The following LHX2 variants were observed in gnomAD, a reference collection of about 807,000 sequenced individuals.
LHX2 encodes the protein LIM homeobox 2, also known as LIM/homeobox protein Lhx2.
Under a neutral mutation model 33.0 loss-of-function variants are expected in LHX2, and 6 were observed. That is an observed-to-expected ratio of 0.18 (90% confidence interval 0.10 to 0.36). The LOEUF is 0.36. Ranked by LOEUF, LHX2 falls within the 10% of genes least tolerant of loss-of-function variation. The pLI, the probability that LHX2 is intolerant of heterozygous loss-of-function variation, is 1.00. For missense variants in LHX2, 442 were observed against 586.2 expected (o/e 0.75, Z 2.54); for synonymous variants, 292 against 253.1 (o/e 1.15, Z -1.46).
intron 4 of LHX2, among the ~76,000 whole-genome samples, chr9:124,027,742 C>T (rs1407396781): frequency 1.3e-5 from 2 of 151,934 alleles, no homozygotes; most frequent in East Asian, 1.9e-4. Context: ...TGCTTGAACC[C>T]GGGAGGCAGA....
intron 4 of LHX2, 142 bp downstream of exon 4, chr9:124,021,446 C>A: frequency 2.9e-6 from 2 of 697,052 alleles, no homozygotes; most frequent in Non-Finnish European, 4.8e-6. Context: ...TCTCTTTCTT[C>A]ACCTCTCCAG....
intron 4 of LHX2, among the ~76,000 whole-genome samples, chr9:124,028,903 T>A (rs939120366): frequency 1.1e-4 from 17 of 151,448 alleles, no homozygotes; most frequent in African/African-American, 3.4e-4. Context: ...AGGTCAGGAG[T>A]TCAAGACCAG....
intron 3 of LHX2, among the ~76,000 whole-genome samples, chr9:124,020,897 G>A (rs1325673389): frequency 6.6e-6 from 1 of 152,158 alleles, no homozygotes; most frequent in Non-Finnish European, 1.5e-5. Flanking sequence ...GCAGTTCTTA[G>A]CAGTGTGATC....
intron 4 of LHX2, among the ~76,000 whole-genome samples, chr9:124,025,440 CAAAAAAA>C (rs71999375): frequency 9.6e-6 from 1 of 104,338 alleles, no homozygotes; most frequent in East Asian, 2.7e-4. Flanking sequence ...GACTCTGTCT[CAAAAAAA>C]AAAAAAAAAA....
chr9:124,023,412 G>A (rs1828552884), intron 4 of LHX2, among the ~76,000 whole-genome samples: 1 of 152,240 alleles, frequency 6.6e-6, no homozygotes, highest in African/African-American at 2.4e-5. Context: ...GCTCTATGGA[G>A]TGGGGTCAGG....
chr9:124,023,530 C>T (rs1031771197), intron 4 of LHX2, among the ~76,000 whole-genome samples: 4 of 152,262 alleles, frequency 2.6e-5, no homozygotes, highest in South Asian at 2.1e-4. Flanking sequence ...ATTAGTTACC[C>T]TCTCTGAGCC....
At chr9:124,021,012 A>AGGG in intron 3 of LHX2, 87 bp from the exon 4 acceptor site, 1 of 1,191,330 alleles carries the variant, frequency 8.4e-7, no homozygotes, top group Non-Finnish European at 1.2e-6. Context: ...AAGGATTGAA[A>AGGG]TGTTTGGCAG....
chr9:124,024,813 C>G (rs1828583963), intron 4 of LHX2, among the ~76,000 whole-genome samples: 1 of 152,202 alleles, frequency 6.6e-6, no homozygotes, highest in African/African-American at 2.4e-5. Context: ...AACCCTGGCC[C>G]TGAGTCTCAC....
chr9:124,014,981 C>G lies in LHX2; in HGVS notation c.324-141C>G. 1.2e-6 allele frequency: 1 copy of G among 846,016 alleles called. No individual in the cohort carries two copies. The highest frequency in any genetic ancestry group is 1.8e-6 in the Non-Finnish European group (1 of 551,474). 52.4% of individuals were successfully genotyped at this position (846,016 alleles called of 1,614,324 possible). ...CCTGGGTCAAAATCTAGTTCTCTCT[C>G]CCCCCCATCCTCCAAATAAAGGCCG... On this transcript the variant is annotated intron_variant, in intron 2 of 4. Coordinates refer to ENST00000373615, the MANE Select transcript of LHX2 (RefSeq NM_004789.4). This position sits in a 1 kb window ranked among gnomAD's most constrained non-coding sequence, Gnocchi z 4.8.
Position 124,014,224 on chromosome 9 carries a change from C to T in LHX2, c.323+61C>T. On this transcript the variant is annotated intron_variant, in intron 2 of 4. Transcript: ENST00000373615. The surrounding 1 kb of genome is among the most constrained non-coding windows in gnomAD (Gnocchi z 4.8). ...CCCCCCAATCTCAGGCACAGTCTTACAGTTTGGCCCTCTCCTTTCCGTTTA... is the reference window on the plus strand; with the variant it reads ...CCCCCCAATCTCAGGCACAGTCTTATAGTTTGGCCCTCTCCTTTCCGTTTA... The T allele has an allele frequency of 8.2e-7, 1 of 1,215,642 alleles. No homozygotes were observed. Among genetic ancestry groups the T allele is most frequent in the Non-Finnish European group, 1.2e-6 (1 of 842,748 alleles). The allele number at this position is 1,215,642 out of a possible 1,614,324, so 75.3% of individuals were successfully genotyped here.
In LHX2 at chr9:124,014,251, T is replaced by G; in HGVS notation, c.323+88T>G. 1.2e-6 allele frequency: 1 copy of G among 814,420 alleles called. No individual in the cohort carries two copies. The highest frequency in any genetic ancestry group is 2.0e-6 in the Non-Finnish European group (1 of 491,766). The allele number at this position is 814,420 out of a possible 1,614,324, so 50.4% of individuals were successfully genotyped here. ...GTTTGGCCCTCTCCTTTCCGTTTAG[T>G]CCCAGGAGAGGGTTCACTACTCAGG... On this transcript the variant is annotated intron_variant, in intron 2 of 4. Coordinates refer to ENST00000373615, the MANE Select transcript of LHX2 (RefSeq NM_004789.4). This position sits in a 1 kb window ranked among gnomAD's most constrained non-coding sequence, Gnocchi z 4.8.
intron 4 of LHX2, among the ~76,000 whole-genome samples, chr9:124,030,632 T>C (rs55822713): frequency 0.12 from 8,150 of 68,014 alleles, 233 homozygotes; most frequent in Middle Eastern, 0.22. Context: ...CTTTTCTTTT[T>C]TTTTTTTTTT....
intron 3 of LHX2, among the ~76,000 whole-genome samples, chr9:124,017,556 G>A (rs1003630092): frequency 1.3e-4 from 20 of 152,110 alleles, no homozygotes; most frequent in Admixed American, 3.3e-4. Flanking sequence ...CGGGGTGTGC[G>A]GGCGCGGGTC....
chr9:124,026,234 G>A (rs1379003386), intron 4 of LHX2, among the ~76,000 whole-genome samples: 1 of 151,956 alleles, frequency 6.6e-6, no homozygotes, highest in Admixed American at 6.6e-5. Context: ...GGAGGCGGGT[G>A]GATCACCTGA....
Position 124,032,605 on chromosome 9 carries a change from C to T in LHX2, c.1119C>T (p.Pro373=), listed in dbSNP as rs1828717235. ...CCACCCTGACAGACTTGACTAGCCC[C>T]ACCCTGCCAACTGTGACGTCCGTCT... ...TPTTLTDLTS[P]TLPTVTSVLT... Residue 373 remains proline (P), a synonymous_variant, in exon 5 of 5, where the codon CCC becomes CCT. Coordinates refer to ENST00000373615, the MANE Select transcript of LHX2 (RefSeq NM_004789.4). The surrounding 1 kb of genome is among the most constrained non-coding windows in gnomAD (Gnocchi z 4.1). The T allele has an allele frequency of 1.2e-6, 2 of 1,614,204 alleles. No individual in the cohort carries two copies. The highest frequency in any genetic ancestry group is 2.7e-5 in the African/African-American group (2 of 75,066).
rs1178122713 is a variant in LHX2, at chr9:124,016,208, C to T, written c.727+683C>T. On this transcript the variant is annotated intron_variant, in intron 3 of 4. Transcript: ENST00000373615. This position sits in a 1 kb window ranked among gnomAD's most constrained non-coding sequence, Gnocchi z 4.4. ...CCCCCGGGCGGGGACGAGACCGGAG[C>T]AGGCCTGGCCTCGCGCCGGGGTGGG... is the stretch of plus-strand genomic sequence containing the variant. Among the ~76,000 whole-genome samples the T allele has an allele frequency of 7.0e-6, 1 of 143,814 alleles. No homozygotes were observed. The highest frequency in any genetic ancestry group is 2.1e-4 in the East Asian group (1 of 4,750). The allele number at this position is 143,814 out of a possible 152,430, so 94.3% of individuals were successfully genotyped here.
chr9:124,020,229 A>G (rs1182266272), intron 3 of LHX2, among the ~76,000 whole-genome samples: 1 of 152,134 alleles, frequency 6.6e-6, no homozygotes, highest in Admixed American at 6.5e-5. Flanking sequence ...TGACATTTGT[A>G]AAGCCAAACA....
rs1051965070 is a variant in LHX2, at chr9:124,016,869, A to C, written c.727+1344A>C. On this transcript the variant is annotated intron_variant, in intron 3 of 4. Transcript: ENST00000373615. This position sits in a 1 kb window ranked among gnomAD's most constrained non-coding sequence, Gnocchi z 4.4. ...TCCTACCACCCCCCAAAAAAAGACA[A>C]AACCGAGTTCAGACCGGCTCCCCCA... Among the ~76,000 whole-genome samples, 1 of 151,972 alleles carries C rather than the reference A, an allele frequency of 6.6e-6. No individual in the cohort carries two copies. The highest frequency in any genetic ancestry group is 2.4e-5 in the African/African-American group (1 of 41,354).
rs1436721549 is a variant in LHX2, at chr9:124,032,894, T to C, written c.*187T>C. ...GCAGCGGTGTGGACCGAGGAACAACTTGGAAGATCTACCTGCAACACAACA... is the reference window on the plus strand; with the variant it reads ...GCAGCGGTGTGGACCGAGGAACAACCTGGAAGATCTACCTGCAACACAACA... On this transcript the variant is annotated 3_prime_UTR_variant, in exon 5 of 5. Coordinates refer to ENST00000373615, the MANE Select transcript of LHX2 (RefSeq NM_004789.4). This position sits in a 1 kb window ranked among gnomAD's most constrained non-coding sequence, Gnocchi z 4.1. The C allele has an allele frequency of 7.3e-6, 4 of 549,656 alleles. No homozygotes were observed. The Admixed American group carries it at 1.5e-4, about 20-fold the overall frequency. The allele number at this position is 549,656 out of a possible 1,614,324, so 34.0% of individuals were successfully genotyped here.
Sources: gnomAD v4.1 joint callset for allele counts (sites outside exome capture counted in the v4.1 genomes callset) on GRCh38, gnomAD v4.1.1 for gene constraint, Gnocchi (gnomAD v3.1) non-coding constraint, MANE v1.5 for transcripts, NCBI Gene and HGNC (gene_info 2026-07-23, HGNC 2026-07-21) for gene names.